The following NBPF15 variants were observed in gnomAD, a reference collection of about 807,000 sequenced individuals.
NBPF15 encodes the protein NBPF member 15, also known as NBPF family member NBPF15.
NBPF15 carries 74 observed loss-of-function variants against 62.2 expected under a neutral mutation model. The observed-to-expected ratio is 1.19, with a 90% CI of 0.99 to 1.44. NBPF15 has a LOEUF of 1.44. Ranked by LOEUF, NBPF15 falls within the 40% of genes most tolerant of loss-of-function variation. The pLI, the probability that NBPF15 is intolerant of heterozygous loss-of-function variation, is 0.00. For synonymous variants in NBPF15, 244 were observed against 209.7 expected, an observed-to-expected ratio of 1.16 and a Z score of -1.41; for missense variants, 790 against 550.0, an observed-to-expected ratio of 1.44 and a Z score of -4.36.
At chr1:144,445,511 A>T (rs1455603373) in intron 6 of NBPF15, among the ~76,000 whole-genome samples, 2 of 149,060 alleles carry the variant, frequency 1.3e-5, no homozygotes, top group African/African-American at 4.9e-5. Flanking sequence ...AAAACACATA[A>T]TCTTGATTTT....
At chr1:144,451,646 A>G (rs1691244280) in intron 4 of NBPF15, among the ~76,000 whole-genome samples, 1 of 151,726 alleles carries the variant, frequency 6.6e-6, no homozygotes, top group Non-Finnish European at 1.5e-5. Flanking sequence ...GCCTTCAAGC[A>G]TTTGTTTAAC....
intron 13 of NBPF15, among the ~76,000 whole-genome samples, chr1:144,431,756 C>T (rs1489269194): frequency 7.6e-6 from 1 of 132,190 alleles, no homozygotes; most frequent in Non-Finnish European, 1.6e-5. Context: ...GGTTTTTTGT[C>T]CTTGCAATAG....
At chr1:144,459,805 A>T (rs1168829131) in intron 2 of NBPF15, among the ~76,000 whole-genome samples, 2 of 151,730 alleles carry the variant, frequency 1.3e-5, no homozygotes, top group African/African-American at 4.8e-5. Context: ...TGGCAAAATA[A>T]TTTTTAACTG....
intron 2 of NBPF15, among the ~76,000 whole-genome samples, chr1:144,460,066 AG>A (rs1236107243): frequency 1.5e-5 from 1 of 65,364 alleles, no homozygotes; most frequent in African/African-American, 7.1e-5. Context: ...TTTTGGAGAC[AG>A]GGTCTCACTC....
intron 2 of NBPF15, among the ~76,000 whole-genome samples, chr1:144,459,994 G>C (rs1398617556): frequency 7.1e-6 from 1 of 141,844 alleles, no homozygotes; most frequent in South Asian, 2.3e-4. Flanking sequence ...TTGATCTGTG[G>C]TGGTTCACTT....
chr1:144,433,117 C>G (rs1466948466), intron 13 of NBPF15, among the ~76,000 whole-genome samples: 1 of 151,990 alleles, frequency 6.6e-6, no homozygotes, highest in Non-Finnish European at 1.5e-5. Flanking sequence ...GACCACAGTG[C>G]CATCAAATTA....
At chr1:144,425,174 C>A (rs1480968330) in intron 19 of NBPF15, among the ~76,000 whole-genome samples, 1 of 138,576 alleles carries the variant, frequency 7.2e-6, no homozygotes, top group Non-Finnish European at 1.5e-5. Context: ...GAGGGAGTAA[C>A]AGGACACTCT....
chr1:144,441,584 T>G (rs1330900454), intron 6 of NBPF15, among the ~76,000 whole-genome samples: 1 of 149,444 alleles, frequency 6.7e-6, no homozygotes, highest in African/African-American at 2.5e-5. Context: ...GGTCTAGAGA[T>G]AGCGTTTAAG....
intron 4 of NBPF15, among the ~76,000 whole-genome samples, chr1:144,451,110 G>C (rs1253351606): frequency 6.6e-6 from 1 of 151,838 alleles, no homozygotes. Context: ...GGGGGATGTG[G>C]CAGGACAATA....
At chr1:144,457,323 C>T (rs1553547249) in intron 3 of NBPF15, among the ~76,000 whole-genome samples, 1 of 151,858 alleles carries the variant, frequency 6.6e-6, no homozygotes, top group Non-Finnish European at 1.5e-5. Context: ...ACTGGTCTAT[C>T]TGGTCTATCT....
chr1:144,459,963 A>C (rs1250987228), intron 2 of NBPF15, among the ~76,000 whole-genome samples: 2 of 143,476 alleles, frequency 1.4e-5, no homozygotes, highest in Non-Finnish European at 3.0e-5. Flanking sequence ...AATATACCCC[A>C]GTCTAGTAAT....
At chr1:144,427,790 C>T in intron 16 of NBPF15, 28 bp downstream of exon 16, 2 of 653,274 alleles carry the variant, frequency 3.1e-6, no homozygotes, top group Non-Finnish European at 5.5e-6. Flanking sequence ...TCAGTGGATC[C>T]TTATCACCTT....
chr1:144,437,423 T>C (rs1553541520), intron 9 of NBPF15, among the ~76,000 whole-genome samples: 1 of 146,532 alleles, frequency 6.8e-6, no homozygotes, highest in Non-Finnish European at 1.5e-5. Context: ...GCCATGGACA[T>C]TTCCATGTGA....
At chr1:144,445,853 CTTTTTTTTTT>C (rs1229682742) in intron 6 of NBPF15, among the ~76,000 whole-genome samples, 6 of 105,410 alleles carry the variant, frequency 5.7e-5, no homozygotes, top group Admixed American at 9.8e-5. Flanking sequence ...GTTGACTTTC[CTTTTTTTTTT>C]TTTTTTTTTT....
intron 4 of NBPF15, among the ~76,000 whole-genome samples, chr1:144,452,087 G>A (rs1478119264): frequency 2.0e-5 from 3 of 151,608 alleles, no homozygotes; most frequent in Non-Finnish European, 2.9e-5. Context: ...AGGAGGTGGA[G>A]GTTGCAGTGA....
intron 8 of NBPF15, among the ~76,000 whole-genome samples, chr1:144,439,595 A>G (rs1553542136): frequency 6.6e-6 from 1 of 152,140 alleles, no homozygotes; most frequent in Non-Finnish European, 1.5e-5. Flanking sequence ...TCAGAAATCA[A>G]TAAATGGCAG....
chr1:144,440,355 A>C, intron 6 of NBPF15, 60 bp from the exon 7 acceptor site: 6 of 971,928 alleles, frequency 6.2e-6, no homozygotes, highest in Non-Finnish European at 8.9e-6. Flanking sequence ...GGAGCCCTGC[A>C]TTCCAATTGC....
chr1:144,444,939 A>G (rs1686200063), intron 6 of NBPF15, among the ~76,000 whole-genome samples: 1 of 151,884 alleles, frequency 6.6e-6, no homozygotes, highest in African/African-American at 2.4e-5. Flanking sequence ...AACCTTTAAG[A>G]AACTGTTAGA....
chr1:144,455,077 G>A (rs1693542603), intron 4 of NBPF15, among the ~76,000 whole-genome samples: 1 of 146,504 alleles, frequency 6.8e-6, no homozygotes, highest in Non-Finnish European at 1.5e-5. Flanking sequence ...AGAATGGAGG[G>A]AGGGAAGGAA....
Sources: gnomAD v4.1 joint callset for allele counts (sites outside exome capture counted in the v4.1 genomes callset) on GRCh38, gnomAD v4.1.1 for gene constraint, MANE v1.5 for transcripts, NCBI Gene and HGNC (gene_info 2026-07-23, HGNC 2026-07-21) for gene names.